Variants in GRM1 observed in about 807,000 individuals in gnomAD.
The protein encoded by GRM1 is glutamate metabotropic receptor 1.
In GRM1, 33 loss-of-function variants were observed where a neutral mutation model predicts 90.9. That is an observed-to-expected ratio of 0.36 (90% CI 0.28 to 0.49). The LOEUF is 0.49. GRM1 is among the 20% of genes least tolerant of loss of function. GRM1 has a pLI of 0.99. For synonymous variants in GRM1, 700 were observed against 613.2 expected (o/e 1.14, Z -2.09); for missense variants, 1,190 against 1,534.3 (o/e 0.78, Z 3.75).
At chr6:146,169,871 C>T (rs1018562156) in intron 2 of GRM1, among the ~76,000 whole-genome samples, 8 of 152,196 alleles carry the variant, frequency 5.3e-5, no homozygotes, top group African/African-American at 1.9e-4. Context: ...ATGTATGAAG[C>T]TTCCACATAC....
Position 146,434,040 on chromosome 6 carries a change from C to G in GRM1, c.2829C>G (p.Ser943Arg). The G allele has an allele frequency of 6.2e-7, 1 of 1,614,170 alleles. No individual in the cohort carries two copies. The highest frequency in any genetic ancestry group is 8.5e-7 in the Non-Finnish European group (1 of 1,180,032). The change falls in exon 8 of 8, where the codon AGC becomes AGG. Residue 943 changes from serine to arginine, a missense_variant. By Grantham distance (110) the Ser-to-Arg change is moderately radical. Coordinates refer to ENST00000282753, the MANE Select transcript of GRM1 (RefSeq NM_001278064.2). Reference protein sequence around the residue: ...LTKSYQGSGKSLTFSDTSTKT... With the variant: ...LTKSYQGSGKRLTFSDTSTKT... ...AAAGTTACCAAGGCTCTGGCAAGAG[C>G]CTGACCTTTTCAGATACCAGCACCA...
At chr6:146,036,334 A>C (rs1331884011) in intron 1 of GRM1, among the ~76,000 whole-genome samples, 2 of 152,020 alleles carry the variant, frequency 1.3e-5, no homozygotes, top group Non-Finnish European at 2.9e-5. Context: ...TGGAAACAGC[A>C]TGTCAGTAGG....
intron 2 of GRM1, among the ~76,000 whole-genome samples, chr6:146,213,568 T>C (rs1333010830): frequency 6.6e-6 from 1 of 152,144 alleles, no homozygotes; most frequent in East Asian, 1.9e-4. Flanking sequence ...ACAGTAGGCA[T>C]TGATTTATTA....
At chr6:146,229,108 A>C (rs764555063) in intron 2 of GRM1, among the ~76,000 whole-genome samples, 1 of 151,886 alleles carries the variant, frequency 6.6e-6, no homozygotes, top group Non-Finnish European at 1.5e-5. Context: ...CAATTCTAAA[A>C]TTGTATTTAT....
chr6:146,162,669 G>A (rs1405908741), intron 2 of GRM1, among the ~76,000 whole-genome samples: 2 of 152,068 alleles, frequency 1.3e-5, no homozygotes, highest in African/African-American at 2.4e-5. Context: ...TCATTACAAA[G>A]GCCTTCAAAG....
At chr6:146,141,256 T>C (rs1184321059) in intron 1 of GRM1, among the ~76,000 whole-genome samples, 2 of 152,050 alleles carry the variant, frequency 1.3e-5, no homozygotes, top group Non-Finnish European at 2.9e-5. Flanking sequence ...CCAGACATAC[T>C]GGAACTCCAT....
Position 146,029,494 on chromosome 6 carries a change from G to T in GRM1, c.-24G>T. The T allele has an allele frequency of 6.3e-7, 1 of 1,583,538 alleles. No homozygotes were observed. The highest frequency in any genetic ancestry group is 8.7e-7 in the Non-Finnish European group (1 of 1,152,198). ...ACCAGCGTGGGAACGCGGCTGGCAG[G>T]CTGTGGACCTCGTCCTCACCACCAT... On this transcript the variant is annotated 5_prime_UTR_variant, in exon 1 of 8. Coordinates refer to ENST00000282753, the MANE Select transcript of GRM1 (RefSeq NM_001278064.2).
At chr6:146,290,953 G>A (rs941457188) in intron 2 of GRM1, among the ~76,000 whole-genome samples, 1 of 152,086 alleles carries the variant, frequency 6.6e-6, no homozygotes, top group Non-Finnish European at 1.5e-5. Flanking sequence ...ATGCAACAGA[G>A]GGCAGACTGT....
chr6:146,259,966 A>G (rs958120534), intron 2 of GRM1, among the ~76,000 whole-genome samples: 16 of 148,110 alleles, frequency 1.1e-4, no homozygotes, highest in Non-Finnish European at 2.1e-4. Context: ...ATTTATATAT[A>G]TATATATTTA....
At chr6:146,277,560 A>T (rs1782419664) in intron 2 of GRM1, among the ~76,000 whole-genome samples, 1 of 152,226 alleles carries the variant, frequency 6.6e-6, no homozygotes, top group African/African-American at 2.4e-5. Flanking sequence ...AGACTTTGGC[A>T]AATGTTTTTA....
At chr6:146,160,979 G>A (rs1423062744) in intron 2 of GRM1, among the ~76,000 whole-genome samples, 1 of 152,064 alleles carries the variant, frequency 6.6e-6, no homozygotes, top group East Asian at 1.9e-4. Flanking sequence ...TAAGAAAGCA[G>A]GTCTTCTAAG....
intron 7 of GRM1, among the ~76,000 whole-genome samples, chr6:146,410,278 G>A (rs191908643): frequency 7.2e-5 from 11 of 152,014 alleles, no homozygotes; most frequent in Non-Finnish European, 1.6e-4. Flanking sequence ...AAAATACAGA[G>A]TCGACTATTT....
chr6:146,277,805 T>C (rs891016357), intron 2 of GRM1, among the ~76,000 whole-genome samples: 1 of 152,158 alleles, frequency 6.6e-6, no homozygotes, highest in African/African-American at 2.4e-5. Context: ...CACCCCAAAG[T>C]ATGGTTCAAG....
intron 2 of GRM1, among the ~76,000 whole-genome samples, chr6:146,258,420 C>T (rs955823495): frequency 1.3e-5 from 2 of 152,102 alleles, no homozygotes; most frequent in Non-Finnish European, 2.9e-5. Context: ...CAAATATGCT[C>T]ATTCTTTCCT....
rs1776525077 is a variant in GRM1, at chr6:146,085,856, GT to G, written c.700+55646del. On this transcript the variant is annotated intron_variant, in intron 1 of 7. Coordinates refer to ENST00000282753, the MANE Select transcript of GRM1 (RefSeq NM_001278064.2). Reference sequence around the variant, plus strand: ...GTTGCTTTGAGGAATTAGGACTTGAGTTTTTTTGGATAACTTCCTTTTAAAG... The same window carrying G: ...GTTGCTTTGAGGAATTAGGACTTGAGTTTTTTGGATAACTTCCTTTTAAAG... Among the ~76,000 whole-genome samples, 5 of 152,138 alleles carry G rather than the reference GT, an allele frequency of 3.3e-5. No individual in the cohort carries two copies. The South Asian group carries it at 1.0e-3, about 32-fold the overall frequency.
At chr6:146,041,614 A>C (rs1464240425) in intron 1 of GRM1, among the ~76,000 whole-genome samples, 1 of 151,888 alleles carries the variant, frequency 6.6e-6, no homozygotes, top group Non-Finnish European at 1.5e-5. Flanking sequence ...AGACTCATGA[A>C]TGTGCCTCCT....
chr6:146,066,811 A>G (rs1489533691), intron 1 of GRM1, among the ~76,000 whole-genome samples: 2 of 152,136 alleles, frequency 1.3e-5, no homozygotes, highest in African/African-American at 4.8e-5. Context: ...GTAAATGCAT[A>G]GTAAATATGC....
chr6:146,244,446 A>G (rs1476056382), intron 2 of GRM1, among the ~76,000 whole-genome samples: 1 of 152,218 alleles, frequency 6.6e-6, no homozygotes, highest in Non-Finnish European at 1.5e-5. Context: ...AACACTTCGT[A>G]GTAAAAGTCT....
At chr6:146,396,648 A>G (rs762659115) in intron 6 of GRM1, among the ~76,000 whole-genome samples, 3 of 152,210 alleles carry the variant, frequency 2.0e-5, no homozygotes, top group Non-Finnish European at 4.4e-5. Context: ...AAACAAACAC[A>G]CAAACAAAAA....
Sources: gnomAD v4.1 joint callset for allele counts (sites outside exome capture counted in the v4.1 genomes callset) on GRCh38, gnomAD v4.1.1 for gene constraint, MANE v1.5 for transcripts, NCBI Gene and HGNC (gene_info 2026-07-23, HGNC 2026-07-21) for gene names.